ABTB3: variants seen among roughly 807,000 people sequenced by gnomAD.
ABTB3 encodes ankyrin repeat and BTB domain containing 3.
the ABTB3 span, chr12:107,612,818 C>T: frequency 3.1e-5 from 50 of 1,613,950 alleles, no homozygotes; most frequent in African/African-American, 6.7e-5. Context: ...TCCGTGGGGA[C>T]GAGGCGATGG....
At chr12:107,393,664 G>A in the ABTB3 span, among the ~76,000 whole-genome samples, 1 of 152,106 alleles carries the variant, frequency 6.6e-6, no homozygotes, top group Admixed American at 6.5e-5. Flanking sequence ...GGTGCAGTGG[G>A]TCATGCCTGT....
chr12:107,393,481 G>A, the ABTB3 span, among the ~76,000 whole-genome samples: 35 of 152,232 alleles, frequency 2.3e-4, no homozygotes, highest in African/African-American at 4.1e-4. Flanking sequence ...GAACTTAGAC[G>A]CCAGCTGCCC....
At chr12:107,393,110 T>C in the ABTB3 span, among the ~76,000 whole-genome samples, 1 of 152,146 alleles carries the variant, frequency 6.6e-6, no homozygotes, top group African/African-American at 2.4e-5. Flanking sequence ...AAGCCAATGA[T>C]TTATACGTAG....
chr12:107,527,461 G>A, the ABTB3 span, among the ~76,000 whole-genome samples: 6 of 152,108 alleles, frequency 3.9e-5, no homozygotes, highest in African/African-American at 9.7e-5. Context: ...TAGTAGAGAC[G>A]GGGTTTCACC....
the ABTB3 span, among the ~76,000 whole-genome samples, chr12:107,369,933 T>A: frequency 6.6e-6 from 1 of 152,060 alleles, no homozygotes; most frequent in African/African-American, 2.4e-5. Flanking sequence ...TGTTCCTGGC[T>A]CCACCACTTA....
the ABTB3 span, among the ~76,000 whole-genome samples, chr12:107,415,523 A>G: frequency 6.6e-6 from 1 of 151,980 alleles, no homozygotes; most frequent in Non-Finnish European, 1.5e-5. Flanking sequence ...CCTGGCTAAC[A>G]TGGTGAAACC....
At chr12:107,612,783 A>G in the ABTB3 span, 5 of 1,612,848 alleles carry the variant, frequency 3.1e-6, no homozygotes, top group Admixed American at 1.7e-5. Flanking sequence ...ACCACAGGGC[A>G]TGACTCCCCT....
At chr12:107,450,570 A>G in the ABTB3 span, among the ~76,000 whole-genome samples, 40 of 152,168 alleles carry the variant, frequency 2.6e-4, no homozygotes, top group African/African-American at 9.2e-4. Flanking sequence ...CTTGAGGGGC[A>G]TTCAGTGGTC....
At chr12:107,370,168 A>G in the ABTB3 span, among the ~76,000 whole-genome samples, 2 of 152,234 alleles carry the variant, frequency 1.3e-5, no homozygotes, top group Non-Finnish European at 2.9e-5. Context: ...CAAGGTAGGT[A>G]TAAATTGGGA....
At chr12:107,507,263 C>T in the ABTB3 span, among the ~76,000 whole-genome samples, 2 of 152,062 alleles carry the variant, frequency 1.3e-5, no homozygotes, top group Non-Finnish European at 2.9e-5. Context: ...AAGGAAGAAA[C>T]AAGTGGGTGT....
At chr12:107,637,285 A>G in the ABTB3 span, among the ~76,000 whole-genome samples, 1 of 152,102 alleles carries the variant, frequency 6.6e-6, no homozygotes, top group East Asian at 1.9e-4. Context: ...CCAGCTACTC[A>G]GGAGGCTGAG....
chr12:107,448,670 C>T, the ABTB3 span, among the ~76,000 whole-genome samples: 1 of 150,336 alleles, frequency 6.7e-6, no homozygotes, highest in African/African-American at 2.5e-5. Flanking sequence ...GGTGCAGTCT[C>T]AGCTCTGTCA....
At chr12:107,565,686 A>G in the ABTB3 span, among the ~76,000 whole-genome samples, 1 of 150,654 alleles carries the variant, frequency 6.6e-6, no homozygotes, top group East Asian at 2.0e-4. Flanking sequence ...CTTTACACTC[A>G]CCCCCTCGTT....
At chr12:107,345,801 G>T in the ABTB3 span, among the ~76,000 whole-genome samples, 2 of 152,224 alleles carry the variant, frequency 1.3e-5, no homozygotes, top group African/African-American at 4.8e-5. Flanking sequence ...GTGGGACAAA[G>T]CCTGGGATCT....
chr12:107,642,317 T>C, the ABTB3 span: 1 of 681,282 alleles, frequency 1.5e-6, no homozygotes, highest in Non-Finnish European at 2.5e-6. Flanking sequence ...CTCCTCACAG[T>C]GCCCCTTCCG....
chr12:107,522,640 C>T, the ABTB3 span, among the ~76,000 whole-genome samples: 1 of 151,796 alleles, frequency 6.6e-6, no homozygotes, highest in South Asian at 2.1e-4. Flanking sequence ...GATGTAACCC[C>T]AGCACCAGGA....
At chr12:107,516,607 T>C in the ABTB3 span, among the ~76,000 whole-genome samples, 1 of 152,194 alleles carries the variant, frequency 6.6e-6, no homozygotes, top group African/African-American at 2.4e-5. Flanking sequence ...TCTCACCCTC[T>C]GTTAGATGTG....
the ABTB3 span, among the ~76,000 whole-genome samples, chr12:107,323,028 G>A: frequency 2.0e-5 from 3 of 152,184 alleles, no homozygotes; most frequent in African/African-American, 7.2e-5. Flanking sequence ...CACAGTTGGA[G>A]CTTATTAGAT....
At chr12:107,580,708 A>T in the ABTB3 span, 1 of 946,080 alleles carries the variant, frequency 1.1e-6, no homozygotes, top group Non-Finnish European at 1.5e-6. Flanking sequence ...GTGCTAGCGG[A>T]CACCTTAGGC....
Sources: gnomAD v4.1 joint callset for allele counts (sites outside exome capture counted in the v4.1 genomes callset) on GRCh38, gnomAD v4.1.1 for gene constraint, MANE v1.5 for transcripts, NCBI Gene and HGNC (gene_info 2026-07-23, HGNC 2026-07-21) for gene names.